The following PDE3B variants were observed in gnomAD, a reference collection of about 807,000 sequenced individuals.
The protein encoded by PDE3B is phosphodiesterase 3B.
In PDE3B, 66 loss-of-function variants were observed where a neutral mutation model predicts 116.8. That is an observed-to-expected ratio of 0.56 (90% CI 0.46 to 0.69). The LOEUF (loss-of-function observed/expected upper bound fraction) is 0.69, where lower values mean the gene tolerates loss of function less well. PDE3B is among the 30% of genes least tolerant of loss of function. The pLI, the probability that PDE3B is intolerant of heterozygous loss-of-function variation, is 0.00. For synonymous variants in PDE3B, 595 were observed against 533.6 expected (o/e 1.12, Z -1.59); for missense variants, 1,384 against 1,368.1 (o/e 1.01, Z -0.18).
chr11:14,672,844 A>G (rs1163806262), intron 1 of PDE3B, among the ~76,000 whole-genome samples: 1 of 151,966 alleles, frequency 6.6e-6, no homozygotes, highest in South Asian at 2.1e-4. Flanking sequence ...GTACTTAGTC[A>G]TATGGTCTTA....
At chr11:14,667,666 C>A (rs1854215292) in intron 1 of PDE3B, among the ~76,000 whole-genome samples, 2 of 144,298 alleles carry the variant, frequency 1.4e-5, no homozygotes, top group Non-Finnish European at 3.0e-5. Context: ...GGAAGGGGAA[C>A]ATGACACAAC....
intron 5 of PDE3B, among the ~76,000 whole-genome samples, chr11:14,809,700 A>G (rs1297629334): frequency 6.6e-6 from 1 of 152,154 alleles, no homozygotes; most frequent in African/African-American, 2.4e-5. Flanking sequence ...TAGTGCTCTT[A>G]TAAAAGAGGC....
chr11:14,647,856 T>A (rs1853454630), intron 1 of PDE3B, among the ~76,000 whole-genome samples: 1 of 152,010 alleles, frequency 6.6e-6, no homozygotes, highest in South Asian at 2.1e-4. Context: ...GTAAAACATT[T>A]GATTTTATAA....
chr11:14,874,510 A>G (rs1483992081), downstream of PDE3B, among the ~76,000 whole-genome samples: 4 of 152,160 alleles, frequency 2.6e-5, no homozygotes, highest in African/African-American at 9.7e-5. Flanking sequence ...TAGTTATACT[A>G]TCTTTGGACC....
At chr11:14,799,151 C>T (rs1858662516) in intron 4 of PDE3B, among the ~76,000 whole-genome samples, 1 of 152,192 alleles carries the variant, frequency 6.6e-6, no homozygotes, top group Admixed American at 6.5e-5. Context: ...TCATTGGTTT[C>T]ATAAAACATC....
chr11:14,794,427 C>T (rs1303674066), intron 4 of PDE3B, among the ~76,000 whole-genome samples: 1 of 151,792 alleles, frequency 6.6e-6, no homozygotes, highest in East Asian at 1.9e-4. Context: ...AGCAATTCTT[C>T]CTCAACCTCC....
chr11:14,669,340 C>G (rs1854291863), intron 1 of PDE3B, among the ~76,000 whole-genome samples: 1 of 152,032 alleles, frequency 6.6e-6, no homozygotes, highest in South Asian at 2.1e-4. Context: ...CATTGGTTGA[C>G]TCCACCCCAA....
chr11:14,820,785 G>A (rs1202911330), intron 7 of PDE3B, among the ~76,000 whole-genome samples: 1 of 152,022 alleles, frequency 6.6e-6, no homozygotes, highest in East Asian at 1.9e-4. Context: ...ATGTGAAATC[G>A]GTAGTCTGCA....
intron 1 of PDE3B, among the ~76,000 whole-genome samples, chr11:14,650,032 G>A (rs1046646053): frequency 2.0e-5 from 3 of 151,580 alleles, no homozygotes; most frequent in Non-Finnish European, 4.4e-5. Context: ...AGAACTTGGG[G>A]CAGAAGAGTG....
chr11:14,676,970 T>A (rs1285234067), intron 1 of PDE3B, among the ~76,000 whole-genome samples: 1 of 152,130 alleles, frequency 6.6e-6, no homozygotes, highest in Admixed American at 6.6e-5. Context: ...TTGAAGTAAT[T>A]TTTTGGGTAT....
intron 1 of PDE3B, among the ~76,000 whole-genome samples, chr11:14,675,465 T>C (rs939868302): frequency 2.6e-5 from 4 of 152,176 alleles, no homozygotes; most frequent in Admixed American, 2.0e-4. Flanking sequence ...TACACTTATG[T>C]AATCATGAAC....
At chr11:14,718,397 A>T (rs1855977885) in intron 1 of PDE3B, among the ~76,000 whole-genome samples, 1 of 143,162 alleles carries the variant, frequency 7.0e-6, no homozygotes, top group Admixed American at 7.1e-5. Context: ...CCAGGAATTG[A>T]ACTCATCTCT....
chr11:14,701,684 C>T (rs1009129659), intron 1 of PDE3B, among the ~76,000 whole-genome samples: 3 of 151,616 alleles, frequency 2.0e-5, no homozygotes, highest in African/African-American at 7.3e-5. Context: ...TCTCTCCATT[C>T]TTTCTCCATT....
At chr11:14,711,255 GT>G (rs1855693463) in intron 1 of PDE3B, among the ~76,000 whole-genome samples, 1 of 152,174 alleles carries the variant, frequency 6.6e-6, no homozygotes, top group African/African-American at 2.4e-5. Flanking sequence ...GCAGTTATTT[GT>G]TTTTAATCTT....
At chr11:14,845,982 C>T (rs1847592246) in intron 12 of PDE3B, among the ~76,000 whole-genome samples, 1 of 152,100 alleles carries the variant, frequency 6.6e-6, no homozygotes, top group Non-Finnish European at 1.5e-5. Flanking sequence ...TCAGGAAATA[C>T]AGAGAACGCC....
At chr11:14,850,965 A>T (rs1439841541) in intron 12 of PDE3B, among the ~76,000 whole-genome samples, 2 of 148,290 alleles carry the variant, frequency 1.3e-5, no homozygotes, top group African/African-American at 5.0e-5. Flanking sequence ...AGTAGCTGGG[A>T]CTACCACACC....
intron 1 of PDE3B, among the ~76,000 whole-genome samples, chr11:14,714,539 CAA>C (rs759855381): frequency 1.0e-3 from 78 of 76,074 alleles, no homozygotes; most frequent in Admixed American, 1.4e-3. Context: ...AACCCTGTCT[CAA>C]AAAAAAAAAA....
intron 1 of PDE3B, among the ~76,000 whole-genome samples, chr11:14,727,740 T>A (rs1856350203): frequency 1.3e-5 from 2 of 152,158 alleles, no homozygotes; most frequent in African/African-American, 2.4e-5. Context: ...TTTTCTAAAC[T>A]GCATTTTTTC....
chr11:14,663,382 A>G (rs888893178), intron 1 of PDE3B, among the ~76,000 whole-genome samples: 1 of 152,214 alleles, frequency 6.6e-6, no homozygotes, highest in Non-Finnish European at 1.5e-5. Context: ...CATCAAGGCT[A>G]GGAAGAAACT....
Sources: gnomAD v4.1 joint callset for allele counts (sites outside exome capture counted in the v4.1 genomes callset) on GRCh38, gnomAD v4.1.1 for gene constraint, MANE v1.5 for transcripts, NCBI Gene and HGNC (gene_info 2026-07-23, HGNC 2026-07-21) for gene names.